The following SLC4A10 variants were observed in gnomAD, a reference collection of about 807,000 sequenced individuals.
SLC4A10 encodes the protein sodium-driven chloride bicarbonate exchanger.
Under a neutral mutation model 137.7 loss-of-function variants are expected in SLC4A10, and 42 were observed. That is an observed-to-expected ratio of 0.30 (90% CI 0.24 to 0.39). The LOEUF is 0.39. Ranked by LOEUF, SLC4A10 falls within the 10% of genes least tolerant of loss-of-function variation. The probability of loss-of-function intolerance (pLI) is 1.00; values close to 1 mark genes in which losing one functional copy is unlikely to be tolerated. For missense variants in SLC4A10, 925 were observed against 1,355.0 expected (o/e 0.68, Z 4.98); for synonymous variants, 474 against 464.1 (o/e 1.02, Z -0.27).
chr2:161,785,068 C>A (rs1438113400), intron 2 of SLC4A10, among the ~76,000 whole-genome samples: 1 of 151,304 alleles, frequency 6.6e-6, no homozygotes, highest in Admixed American at 6.6e-5. Context: ...CCACTGATAT[C>A]ACATAAGTTA....
chr2:161,628,856 T>C (rs1232895540), intron 1 of SLC4A10, among the ~76,000 whole-genome samples: 1 of 152,002 alleles, frequency 6.6e-6, no homozygotes, highest in African/African-American at 2.4e-5. Flanking sequence ...ATATTATGTT[T>C]ATGATAAAAA....
At chr2:161,737,540 G>T (rs2047471247) in intron 1 of SLC4A10, among the ~76,000 whole-genome samples, 1 of 150,912 alleles carries the variant, frequency 6.6e-6, no homozygotes, top group Admixed American at 6.6e-5. Flanking sequence ...AAAAAATAAA[G>T]AATAAAAATA....
intron 1 of SLC4A10, among the ~76,000 whole-genome samples, chr2:161,690,632 T>C (rs2041884094): frequency 6.6e-6 from 1 of 152,186 alleles, no homozygotes; most frequent in African/African-American, 2.4e-5. Context: ...AATGAGATCA[T>C]GCCCTTTGCA....
intron 1 of SLC4A10, among the ~76,000 whole-genome samples, chr2:161,752,288 A>G (rs1662083853): frequency 6.6e-6 from 1 of 151,966 alleles, no homozygotes. Context: ...GCCTTATCTA[A>G]TTAATCCTCT....
At chr2:161,896,473 G>A (rs1189992732) in intron 11 of SLC4A10, among the ~76,000 whole-genome samples, 5 of 152,194 alleles carry the variant, frequency 3.3e-5, no homozygotes, top group South Asian at 4.1e-4. Flanking sequence ...TAGCTTGATG[G>A]GGCTGGCATT....
At chr2:161,687,006 C>T (rs2041490505) in intron 1 of SLC4A10, among the ~76,000 whole-genome samples, 1 of 151,516 alleles carries the variant, frequency 6.6e-6, no homozygotes, top group Admixed American at 6.6e-5. Context: ...CCTCAGCCTC[C>T]CGAGTAGCTG....
chr2:161,970,069 T>A (rs1279375259), intron 23 of SLC4A10, among the ~76,000 whole-genome samples: 3 of 152,152 alleles, frequency 2.0e-5, no homozygotes, highest in Non-Finnish European at 4.4e-5. Flanking sequence ...GGGCCAACCA[T>A]CTCTGTTAAT....
chr2:161,800,625 T>C (rs891031084), intron 2 of SLC4A10, among the ~76,000 whole-genome samples: 5 of 152,046 alleles, frequency 3.3e-5, no homozygotes, highest in African/African-American at 1.2e-4. Flanking sequence ...AAGAATCATC[T>C]ATATGTGTTT....
intron 6 of SLC4A10, among the ~76,000 whole-genome samples, chr2:161,871,419 G>T (rs1575382755): frequency 6.6e-6 from 1 of 151,858 alleles, no homozygotes. Flanking sequence ...AAGATGGGGA[G>T]ATGTTTAATT....
At chr2:161,732,043 A>G (rs2046873418) in intron 1 of SLC4A10, among the ~76,000 whole-genome samples, 1 of 152,204 alleles carries the variant, frequency 6.6e-6, no homozygotes, top group Admixed American at 6.5e-5. Flanking sequence ...CAAGGCATGG[A>G]AAAGAGTGCA....
intron 17 of SLC4A10, among the ~76,000 whole-genome samples, chr2:161,947,934 A>G (rs1371778324): frequency 6.6e-6 from 1 of 152,078 alleles, no homozygotes; most frequent in African/African-American, 2.4e-5. Context: ...TGCAAACCCC[A>G]CGGATCAACT....
chr2:161,728,809 A>G (rs983050279), intron 1 of SLC4A10, among the ~76,000 whole-genome samples: 2 of 152,216 alleles, frequency 1.3e-5, no homozygotes, highest in South Asian at 4.1e-4. Flanking sequence ...ATCTTCAACA[A>G]AACATTAGCA....
chr2:161,875,495 C>T (rs535988063), intron 8 of SLC4A10, among the ~76,000 whole-genome samples: 51 of 152,058 alleles, frequency 3.4e-4, no homozygotes, highest in Non-Finnish European at 3.7e-4. Flanking sequence ...AGTGGATAGA[C>T]GTATCAAACT....
At chr2:161,913,756 C>T (rs1009306137) in intron 15 of SLC4A10, among the ~76,000 whole-genome samples, 1 of 152,144 alleles carries the variant, frequency 6.6e-6, no homozygotes, top group Non-Finnish European at 1.5e-5. Context: ...ATGGTGTGAT[C>T]TCTTTCTTCC....
intron 2 of SLC4A10, among the ~76,000 whole-genome samples, chr2:161,799,552 A>C (rs536693670): frequency 6.6e-6 from 1 of 152,102 alleles, no homozygotes; most frequent in Non-Finnish European, 1.5e-5. Context: ...TGGGACAGGA[A>C]AATATCATTC....
At chr2:161,855,241 C>A in intron 5 of SLC4A10, 111 bp downstream of exon 5, 1 of 1,029,084 alleles carries the variant, frequency 9.7e-7, no homozygotes, top group Non-Finnish European at 1.4e-6. Flanking sequence ...TTCTCATAAT[C>A]ACTGCATAAG....
At chr2:161,721,476 T>C (rs1026659273) in intron 1 of SLC4A10, among the ~76,000 whole-genome samples, 2 of 152,232 alleles carry the variant, frequency 1.3e-5, no homozygotes, top group Admixed American at 6.5e-5. Context: ...AATTTTGGGT[T>C]AGAAATTCTT....
chr2:161,662,218 TA>T (rs796335911), intron 1 of SLC4A10, among the ~76,000 whole-genome samples: 3 of 151,822 alleles, frequency 2.0e-5, no homozygotes, highest in East Asian at 1.9e-4. Flanking sequence ...TTTTCTACGG[TA>T]AAAAAAATAT....
chr2:161,895,902 A>C (rs1256365244), intron 11 of SLC4A10, among the ~76,000 whole-genome samples: 1 of 151,804 alleles, frequency 6.6e-6, no homozygotes, highest in African/African-American at 2.4e-5. Flanking sequence ...TGCTGTGCAG[A>C]AGCTCTTTAG....
Sources: gnomAD v4.1 joint callset for allele counts (sites outside exome capture counted in the v4.1 genomes callset) on GRCh38, gnomAD v4.1.1 for gene constraint, MANE v1.5 for transcripts, NCBI Gene and HGNC (gene_info 2026-07-23, HGNC 2026-07-21) for gene names.